Variants in RAVER2 observed in about 807,000 individuals in gnomAD.
RAVER2 encodes the protein ribonucleoprotein PTB-binding 2.
In RAVER2, 46 loss-of-function variants were observed where a neutral mutation model predicts 78.1. The ratio of observed to expected loss-of-function variants is 0.59; its 90% CI spans 0.46 to 0.75. The LOEUF is 0.75. Ranked by LOEUF, RAVER2 falls within the 30% of genes least tolerant of loss-of-function variation. The probability of loss-of-function intolerance (pLI) is 0.00; values close to 1 mark genes in which losing one functional copy is unlikely to be tolerated. For missense variants in RAVER2, 793 were observed against 837.5 expected (o/e 0.95, Z 0.66); for synonymous variants, 311 against 313.3 (o/e 0.99, Z 0.08).
intron 10 of RAVER2, among the ~76,000 whole-genome samples, chr1:64,813,387 CT>C (rs936605230): frequency 4.6e-5 from 7 of 151,060 alleles, no homozygotes; most frequent in South Asian, 4.2e-4. Context: ...TACTGTGCAA[CT>C]TTTTTTTTAA....
At chr1:64,817,249 A>T (rs1653777268) in intron 11 of RAVER2, among the ~76,000 whole-genome samples, 1 of 152,184 alleles carries the variant, frequency 6.6e-6, no homozygotes, top group Non-Finnish European at 1.5e-5. Flanking sequence ...AAAAGTCAGG[A>T]AACAACAGGT....
intron 5 of RAVER2, among the ~76,000 whole-genome samples, chr1:64,797,642 T>C (rs1653130829): frequency 6.6e-6 from 1 of 152,216 alleles, no homozygotes; most frequent in African/African-American, 2.4e-5. Context: ...ATCCTCTTGA[T>C]TAATTGGCCC....
intron 8 of RAVER2, among the ~76,000 whole-genome samples, chr1:64,806,874 A>C (rs2100877151): frequency 6.6e-6 from 1 of 152,330 alleles, no homozygotes; most frequent in South Asian, 2.1e-4. Context: ...GCACTAATAC[A>C]GCTTAAATGC....
intron 9 of RAVER2, among the ~76,000 whole-genome samples, chr1:64,808,714 G>A (rs1031000894): frequency 3.3e-5 from 5 of 151,944 alleles, no homozygotes; most frequent in African/African-American, 7.3e-5. Context: ...TTCCCGCCTC[G>A]GCTTCCCAAT....
intron 11 of RAVER2, among the ~76,000 whole-genome samples, chr1:64,817,613 C>T (rs747351323): frequency 2.9e-4 from 44 of 151,874 alleles, no homozygotes; most frequent in Non-Finnish European, 1.3e-4. Context: ...GGGACATGGA[C>T]GAAGCTGGAA....
chr1:64,792,676 T>G (rs984380525), intron 5 of RAVER2, among the ~76,000 whole-genome samples: 2 of 152,158 alleles, frequency 1.3e-5, no homozygotes, highest in African/African-American at 4.8e-5. Flanking sequence ...CTTTTTCTTG[T>G]GTGGGGTGGA....
intron 4 of RAVER2, among the ~76,000 whole-genome samples, chr1:64,786,077 A>G (rs1317079792): frequency 4.6e-5 from 7 of 152,224 alleles, no homozygotes; most frequent in Non-Finnish European, 1.0e-4. Context: ...TTTTCTTACA[A>G]TACTTTGAAA....
At chr1:64,800,631 C>T (rs567262122) in intron 5 of RAVER2, among the ~76,000 whole-genome samples, 14 of 152,162 alleles carry the variant, frequency 9.2e-5, no homozygotes, top group African/African-American at 3.1e-4. Context: ...AGTTCTTTTC[C>T]GTGTACCAGT....
intron 3 of RAVER2, among the ~76,000 whole-genome samples, chr1:64,778,967 ATATAT>A (rs200778745): frequency 1.7e-4 from 25 of 147,818 alleles, no homozygotes; most frequent in Non-Finnish European, 2.5e-4. Flanking sequence ...ATATAAATAA[ATATAT>A]TATTTAATAT....
chr1:64,782,010 T>A, intron 4 of RAVER2, among the ~76,000 whole-genome samples: 1 of 152,114 alleles, frequency 6.6e-6, no homozygotes, highest in Non-Finnish European at 1.5e-5. Context: ...TTCAAGCAAT[T>A]CTCCTGCCTC....
chr1:64,816,508 A>G (rs1211172137), intron 11 of RAVER2: 3 of 152,266 alleles, frequency 2.0e-5, no homozygotes, highest in East Asian at 1.9e-4. Flanking sequence ...GAATACTAAA[A>G]TAACCATTAT....
chr1:64,745,439 G>A lies in RAVER2; in HGVS notation c.249+18G>A. On this transcript the variant is annotated intron_variant, in intron 1 of 11. Coordinates refer to ENST00000294428, the Ensembl canonical transcript of RAVER2. The surrounding 1 kb of genome is among the most constrained non-coding windows in gnomAD (Gnocchi z 4.3). Reference sequence around the variant, plus strand: ...ACTGCCAGGTACTGGGACGGTGATAGGGGCGACGCGTCCCGAGGGGCGGCG... The same window carrying A: ...ACTGCCAGGTACTGGGACGGTGATAAGGGCGACGCGTCCCGAGGGGCGGCG... 1 of 1,515,812 alleles carries A rather than the reference G, an allele frequency of 6.6e-7. No homozygotes were observed. The highest frequency in any genetic ancestry group is 1.2e-5 in the South Asian group (1 of 83,434). 93.9% of individuals were successfully genotyped at this position (1,515,812 alleles called of 1,614,324 possible).
rs541805834 is a variant in RAVER2, at chr1:64,789,671, C to G, written c.1105+157C>G. On this transcript the variant is annotated intron_variant, in intron 5 of 11. Coordinates refer to ENST00000294428, the Ensembl canonical transcript of RAVER2. ...TCTAGGACCTGTTAATGAATTTTAA[C>G]AATAATCTGAGGTGATATATTTTGA... Among the ~76,000 whole-genome samples, 23 of 152,154 alleles carry G rather than the reference C, an allele frequency of 1.5e-4. No homozygotes were observed. In the South Asian group the frequency reaches 4.8e-3, roughly 32 times the overall value.
intron 9 of RAVER2, among the ~76,000 whole-genome samples, chr1:64,809,753 A>G (rs1653553901): frequency 6.6e-6 from 1 of 151,922 alleles, no homozygotes; most frequent in Non-Finnish European, 1.5e-5. Context: ...TTAAATAATA[A>G]CTCTCCATTT....
At chr1:64,797,399 G>T (rs1269556229) in intron 5 of RAVER2, among the ~76,000 whole-genome samples, 6 of 152,122 alleles carry the variant, frequency 3.9e-5, no homozygotes, top group Non-Finnish European at 8.8e-5. Context: ...TCTGATTGTT[G>T]TTTCTGTTGT....
chr1:64,747,076 C>G (rs1651560016), intron 1 of RAVER2, among the ~76,000 whole-genome samples: 1 of 152,154 alleles, frequency 6.6e-6, no homozygotes, highest in Admixed American at 6.5e-5. Context: ...TTTCTCATTT[C>G]CCTTCGCAAT....
chr1:64,766,134 A>G (rs955611323), intron 1 of RAVER2, among the ~76,000 whole-genome samples: 4 of 152,168 alleles, frequency 2.6e-5, no homozygotes, highest in Non-Finnish European at 5.9e-5. Context: ...TCTGGTATGG[A>G]AATAGTTTAC....
At chr1:64,812,810 T>A in exon 10 of RAVER2, 1 of 1,612,274 alleles carries the variant, frequency 6.2e-7, no homozygotes, top group South Asian at 1.1e-5. Context: ...AAATCCATAC[T>A]TGAATTTGGC....
exon 3 of RAVER2, chr1:64,777,754 C>T (rs943609977): frequency 6.2e-7 from 1 of 1,613,850 alleles, no homozygotes; most frequent in Non-Finnish European, 8.5e-7. Context: ...TACCAACGTG[C>T]CCATTTCTTT....
Sources: allele counts gnomAD v4.1 joint callset (sites outside exome capture counted in the v4.1 genomes callset), GRCh38; gene constraint gnomAD v4.1.1; non-coding constraint Gnocchi (gnomAD v3.1); transcripts MANE v1.5; gene names NCBI Gene and HGNC (gene_info 2026-07-23, HGNC 2026-07-21).